The following GRM8 variants were observed in gnomAD, a reference collection of about 807,000 sequenced individuals.
GRM8 encodes glutamate metabotropic receptor 8.
GRM8 carries 47 observed loss-of-function variants against 87.2 expected under a neutral mutation model. The ratio of observed to expected loss-of-function variants is 0.54; its 90% CI spans 0.43 to 0.69. GRM8 has a LOEUF of 0.69. GRM8 is among the 30% of genes least tolerant of loss of function. GRM8 has a pLI of 0.00. For missense variants in GRM8, 1,019 were observed against 1,139.2 expected (o/e 0.89, Z 1.52); for synonymous variants, 396 against 404.5 (o/e 0.98, Z 0.25).
intron 6 of GRM8, among the ~76,000 whole-genome samples, chr7:126,839,162 C>T (rs911458252): frequency 5.3e-5 from 8 of 152,102 alleles, no homozygotes; most frequent in Non-Finnish European, 1.2e-4. Context: ...CATGTAACAC[C>T]CGCATCAACT....
chr7:127,075,693 GA>G (rs1450628527), intron 3 of GRM8, among the ~76,000 whole-genome samples: 14 of 152,266 alleles, frequency 9.2e-5, no homozygotes, highest in African/African-American at 3.4e-4. Context: ...ACATAGTCCA[GA>G]CCTGTTTTTG....
intron 9 of GRM8, among the ~76,000 whole-genome samples, chr7:126,492,627 G>T (rs1808156147): frequency 6.6e-6 from 1 of 151,840 alleles, no homozygotes; most frequent in African/African-American, 2.4e-5. Context: ...GTAACTATCT[G>T]GTAACATTTA....
At chr7:126,931,591 G>C (rs964077911) in intron 3 of GRM8, among the ~76,000 whole-genome samples, 11 of 152,062 alleles carry the variant, frequency 7.2e-5, no homozygotes, top group African/African-American at 2.4e-4. Flanking sequence ...GAAAATACTA[G>C]TATTATCTCA....
At chr7:126,534,212 G>T (rs1815319074) in intron 8 of GRM8, among the ~76,000 whole-genome samples, 1 of 152,046 alleles carries the variant, frequency 6.6e-6, no homozygotes, top group African/African-American at 2.4e-5. Context: ...AAAATAAGAA[G>T]AAGCCCCGTA....
chr7:126,871,902 T>A (rs529558291), intron 6 of GRM8, among the ~76,000 whole-genome samples: 1 of 152,154 alleles, frequency 6.6e-6, no homozygotes, highest in Non-Finnish European at 1.5e-5. Flanking sequence ...AAGAGACAAC[T>A]TTGTGGTTGA....
chr7:126,900,610 A>G (rs1801981546), intron 6 of GRM8, among the ~76,000 whole-genome samples: 1 of 151,964 alleles, frequency 6.6e-6, no homozygotes, highest in African/African-American at 2.4e-5. Context: ...CCCGGGTTCA[A>G]GCAATTCTCC....
At chr7:126,989,559 C>T (rs1812429537) in intron 3 of GRM8, among the ~76,000 whole-genome samples, 1 of 152,146 alleles carries the variant, frequency 6.6e-6, no homozygotes, top group Non-Finnish European at 1.5e-5. Context: ...GGTTCTTGTT[C>T]CTCTTTCTTG....
intron 6 of GRM8, among the ~76,000 whole-genome samples, chr7:126,793,318 A>AC (rs1821573188): frequency 6.6e-6 from 1 of 152,214 alleles, no homozygotes; most frequent in Admixed American, 6.5e-5. Context: ...AGAGAAGGTT[A>AC]TGATAGAGTG....
intron 8 of GRM8, among the ~76,000 whole-genome samples, chr7:126,556,704 G>A (rs1585044494): frequency 6.6e-6 from 1 of 152,000 alleles, no homozygotes; most frequent in African/African-American, 2.4e-5. Flanking sequence ...TCTTTTTCAC[G>A]AGAGAACCTC....
At position 127,177,377 on chromosome 7, in the gene GRM8, C is replaced by T. The variant is rs945500851; in HGVS notation, c.510+65318G>A. On this transcript the variant is annotated intron_variant, in intron 2 of 10. Transcript: ENST00000339582. ...AAAGTGAGTCTGAGCTCAGACATGTCTAGCCCTGCCTGCACTTGATGGTCC... is the reference window on the plus strand; with the variant it reads ...AAAGTGAGTCTGAGCTCAGACATGTTTAGCCCTGCCTGCACTTGATGGTCC... Among the ~76,000 whole-genome samples the T allele has an allele frequency of 3.9e-5, 6 of 152,308 alleles. No homozygotes were observed. In the South Asian group the frequency reaches 1.0e-3, roughly 26 times the overall value.
chr7:126,498,894 C>A (rs1395670059), intron 9 of GRM8, among the ~76,000 whole-genome samples: 1 of 151,886 alleles, frequency 6.6e-6, no homozygotes, highest in Non-Finnish European at 1.5e-5. Flanking sequence ...TAGATGAAAT[C>A]AAAGTTATTG....
chr7:126,973,254 T>A lies in GRM8; in HGVS notation c.728-68571A>T, dbSNP rs1810615890. On this transcript the variant is annotated intron_variant, in intron 3 of 10. Transcript: ENST00000339582. ...CTAACACATCCCCAGAGGATGCTGA[T>A]GCTGCTGGTCTGCAGACCACACTTT... Among the ~76,000 whole-genome samples, 3 of 152,230 alleles carry A rather than the reference T, an allele frequency of 2.0e-5. No homozygotes were observed. In the South Asian group the frequency reaches 6.2e-4, roughly 31 times the overall value.
chr7:126,472,702 C>A (rs575954496), intron 9 of GRM8, among the ~76,000 whole-genome samples: 1 of 152,154 alleles, frequency 6.6e-6, no homozygotes, highest in Non-Finnish European at 1.5e-5. Flanking sequence ...AAATGTCTCC[C>A]GAGCATGTCA....
chr7:126,785,134 T>G (rs1388397417), intron 6 of GRM8, among the ~76,000 whole-genome samples: 2 of 152,172 alleles, frequency 1.3e-5, no homozygotes, highest in Admixed American at 6.6e-5. Context: ...GCAATCCTCT[T>G]GCCTCAGCCT....
intron 3 of GRM8, among the ~76,000 whole-genome samples, chr7:127,079,722 A>G (rs914983942): frequency 6.6e-6 from 1 of 152,068 alleles, no homozygotes; most frequent in South Asian, 2.1e-4. Context: ...GGCAGTGGCC[A>G]TTTGCCTCGG....
intron 3 of GRM8, among the ~76,000 whole-genome samples, chr7:126,998,669 T>A (rs912858470): frequency 6.6e-6 from 1 of 151,156 alleles, no homozygotes; most frequent in Non-Finnish European, 1.5e-5. Flanking sequence ...TTAATATAGC[T>A]ACAAATAAAA....
At chr7:126,489,828 A>C (rs187463430) in intron 9 of GRM8, among the ~76,000 whole-genome samples, 420 of 152,158 alleles carry the variant, frequency 2.8e-3, no homozygotes, top group Non-Finnish European at 4.9e-3. Flanking sequence ...CAGAATAAAG[A>C]AGATCTGTCT....
At chr7:126,677,892 G>A (rs930529326) in intron 7 of GRM8, among the ~76,000 whole-genome samples, 3 of 152,146 alleles carry the variant, frequency 2.0e-5, no homozygotes, top group African/African-American at 7.2e-5. Context: ...TCCCACAGTC[G>A]TGTAAGGTCA....
chr7:127,035,969 A>G (rs1817806843), intron 3 of GRM8, among the ~76,000 whole-genome samples: 1 of 152,074 alleles, frequency 6.6e-6, no homozygotes, highest in South Asian at 2.1e-4. Flanking sequence ...CTTGCCCCCA[A>G]CATTTGGGCT....
Sources: allele counts gnomAD v4.1 joint callset (sites outside exome capture counted in the v4.1 genomes callset), GRCh38; gene constraint gnomAD v4.1.1; transcripts MANE v1.5; gene names NCBI Gene and HGNC (gene_info 2026-07-23, HGNC 2026-07-21).